FOXN3: variants seen among roughly 807,000 people sequenced by gnomAD.
FOXN3 encodes the protein forkhead box protein N3.
A neutral mutation model predicts 38.4 loss-of-function variants in FOXN3; 7 were observed. That is an observed-to-expected ratio of 0.18 (90% CI 0.10 to 0.34). The LOEUF is 0.34. FOXN3 is among the 10% of genes least tolerant of loss of function. The pLI, the probability that FOXN3 is intolerant of heterozygous loss-of-function variation, is 1.00. For synonymous variants in FOXN3, 230 were observed against 242.2 expected (o/e 0.95, Z 0.47); for missense variants, 456 against 613.4 (o/e 0.74, Z 2.71).
chr14:89,511,247 T>TTTCTTTCTTTC lies in FOXN3; in HGVS notation c.-14-98758_-14-98757insGAAAGAAAGAA, dbSNP rs1156999685. Among the ~76,000 whole-genome samples, 4 of 11,270 alleles carry TTTCTTTCTTTC rather than the reference T, an allele frequency of 3.5e-4. 1 individual carries two copies. Among genetic ancestry groups the TTTCTTTCTTTC allele is most frequent in the African/African-American group, 4.4e-4 (3 of 6,824 alleles). The allele number at this position is 11,270 out of a possible 152,430, so 7.4% of individuals were successfully genotyped here. A position where few individuals can be genotyped will look rare whatever the true frequency, so the allele number is the denominator to read the frequency against. On this transcript the variant is annotated intron_variant, in intron 1 of 6. Transcript: ENST00000345097. ...TCTTTCTTTTCTTTCCTTTTCTTTC[T>TTTCTTTCTTTC]TTTCTTTCTTTCTTTCTTTCTTTCT...
At chr14:89,487,704 G>A (rs763021801) in intron 1 of FOXN3, among the ~76,000 whole-genome samples, 16 of 152,062 alleles carry the variant, frequency 1.1e-4, no homozygotes, top group African/African-American at 3.1e-4. Context: ...ATAAAGAACC[G>A]GCCCTCGAGA....
chr14:89,494,217 T>C (rs1379631946), intron 1 of FOXN3: 1 of 152,232 alleles, frequency 6.6e-6, no homozygotes, highest in Non-Finnish European at 1.5e-5. Flanking sequence ...GTAGATAGTC[T>C]GAAACATGTA....
intron 1 of FOXN3, among the ~76,000 whole-genome samples, chr14:89,439,946 G>A (rs145355777): frequency 0.029 from 4,387 of 152,166 alleles, 78 homozygotes; most frequent in Non-Finnish European, 0.034. Context: ...GACCCACCGC[G>A]TCCAGCCTCC....
intron 4 of FOXN3, among the ~76,000 whole-genome samples, chr14:89,193,146 C>T (rs562160336): frequency 5.2e-4 from 79 of 152,132 alleles, no homozygotes; most frequent in Non-Finnish European, 9.4e-4. Flanking sequence ...GAAAGTGCTA[C>T]AGGTGACCAT....
At chr14:89,317,056 C>T (rs528338226) in intron 3 of FOXN3, among the ~76,000 whole-genome samples, 1 of 152,246 alleles carries the variant, frequency 6.6e-6, no homozygotes, top group South Asian at 2.1e-4. Context: ...AGAACCTGCA[C>T]CACAAAGCAG....
At chr14:89,350,927 T>C in intron 2 of FOXN3, 119 bp from the exon 3 acceptor site, 2 of 716,066 alleles carry the variant, frequency 2.8e-6, no homozygotes, top group Non-Finnish European at 2.1e-6. Flanking sequence ...TGTTGACTGT[T>C]TGCCAGCCTT....
At chr14:89,291,257 G>T in intron 3 of FOXN3, 1 of 439,682 alleles carries the variant, frequency 2.3e-6, no homozygotes, top group South Asian at 1.8e-5. Context: ...TCTCTTTGAA[G>T]GTTTGGACTT....
chr14:89,511,937 A>G (rs763684152), intron 1 of FOXN3, among the ~76,000 whole-genome samples: 2 of 152,184 alleles, frequency 1.3e-5, no homozygotes, highest in African/African-American at 2.4e-5. Flanking sequence ...CAAGAACAGG[A>G]TGGGGAAAAC....
At chr14:89,447,397 G>A (rs898904933) in intron 1 of FOXN3, among the ~76,000 whole-genome samples, 5 of 152,030 alleles carry the variant, frequency 3.3e-5, no homozygotes, top group Admixed American at 6.6e-5. Context: ...GAAGGTGGGC[G>A]GCGGGAAGGA....
intron 5 of FOXN3, 81 bp downstream of exon 5, chr14:89,180,620 G>T: frequency 1.0e-6 from 1 of 1,004,024 alleles, no homozygotes; most frequent in Non-Finnish European, 1.4e-6. Context: ...GCTCCTCTCT[G>T]TCTCCAGAAG....
chr14:89,206,499 C>T (rs561438644), intron 4 of FOXN3, among the ~76,000 whole-genome samples: 4 of 152,260 alleles, frequency 2.6e-5, no homozygotes, highest in South Asian at 2.1e-4. Context: ...GTAAGATCGA[C>T]GGAAGATGAT....
chr14:89,328,503 G>A (rs1271066738), intron 3 of FOXN3, among the ~76,000 whole-genome samples: 1 of 138,040 alleles, frequency 7.2e-6, no homozygotes, highest in South Asian at 2.3e-4. Flanking sequence ...GCAGCCCTGG[G>A]TGAATGGTTA....
intron 1 of FOXN3, among the ~76,000 whole-genome samples, chr14:89,520,733 C>A (rs1033809646): frequency 2.0e-5 from 3 of 152,134 alleles, no homozygotes; most frequent in African/African-American, 4.8e-5. Flanking sequence ...TCATTCACAA[C>A]AACCAAGTTA....
At chr14:89,315,629 T>C (rs1308510881) in intron 3 of FOXN3, among the ~76,000 whole-genome samples, 1 of 152,238 alleles carries the variant, frequency 6.6e-6, no homozygotes, top group Non-Finnish European at 1.5e-5. Context: ...AGAATGAATA[T>C]GCAGCTCAGA....
At chr14:89,452,429 C>G (rs1206833325) in intron 1 of FOXN3, among the ~76,000 whole-genome samples, 1 of 152,194 alleles carries the variant, frequency 6.6e-6, no homozygotes, top group African/African-American at 2.4e-5. Flanking sequence ...CTGAGACCGT[C>G]ATCGACCATC....
chr14:89,292,374 C>G (rs2032178548), intron 3 of FOXN3, among the ~76,000 whole-genome samples: 1 of 152,176 alleles, frequency 6.6e-6, no homozygotes, highest in Non-Finnish European at 1.5e-5. Context: ...GCTTCCACTC[C>G]CCCATGTCAC....
chr14:89,538,724 G>A (rs1035691250), intron 1 of FOXN3, among the ~76,000 whole-genome samples: 2 of 151,534 alleles, frequency 1.3e-5, no homozygotes, highest in Non-Finnish European at 2.9e-5. Context: ...CTCCATGTTG[G>A]TCAGCCTGGT....
At chr14:89,375,137 G>A (rs557656474) in intron 2 of FOXN3, among the ~76,000 whole-genome samples, 2 of 152,250 alleles carry the variant, frequency 1.3e-5, no homozygotes, top group African/African-American at 2.4e-5. Context: ...AGGAACTGAA[G>A]GAAAACTTTT....
intron 3 of FOXN3, chr14:89,290,156 T>G (rs1168372047): frequency 5.2e-6 from 1 of 192,312 alleles, no homozygotes. Context: ...AGTTCTTTAC[T>G]GCTACTTTTT....
Sources: allele counts gnomAD v4.1 joint callset (sites outside exome capture counted in the v4.1 genomes callset), GRCh38; gene constraint gnomAD v4.1.1; transcripts MANE v1.5; gene names NCBI Gene and HGNC (gene_info 2026-07-23, HGNC 2026-07-21).